The following DGKI variants were observed in gnomAD, a reference collection of about 807,000 sequenced individuals.
DGKI encodes DAG kinase iota.
DGKI carries 55 observed loss-of-function variants against 147.5 expected under a neutral mutation model. That is an observed-to-expected ratio of 0.37 (90% CI 0.30 to 0.47). DGKI has a LOEUF of 0.47. Ranked by LOEUF, DGKI falls within the 20% of genes least tolerant of loss-of-function variation. DGKI has a pLI of 1.00. For synonymous variants in DGKI, 469 were observed against 477.1 expected (o/e 0.98, Z 0.22); for missense variants, 1,007 against 1,323.8 (o/e 0.76, Z 3.71).
chr7:137,493,933 C>T, intron 21 of DGKI: 1 of 580,332 alleles, frequency 1.7e-6, no homozygotes, highest in Non-Finnish European at 3.1e-6. Flanking sequence ...CTAAAGAATA[C>T]AATAAAATGA....
chr7:137,767,081 C>T (rs551541981), intron 1 of DGKI, among the ~76,000 whole-genome samples: 2 of 152,282 alleles, frequency 1.3e-5, no homozygotes, highest in South Asian at 2.1e-4. Context: ...ATGTCTGTGA[C>T]CTGATGGGGG....
intron 19 of DGKI, among the ~76,000 whole-genome samples, chr7:137,567,889 T>C (rs1818645474): frequency 6.6e-6 from 1 of 152,218 alleles, no homozygotes. Context: ...ATATATGACA[T>C]ATATTGTATA....
chr7:137,612,926 G>A (rs1357774958), intron 8 of DGKI, among the ~76,000 whole-genome samples: 2 of 152,042 alleles, frequency 1.3e-5, no homozygotes, highest in African/African-American at 4.8e-5. Flanking sequence ...GACATTCTGT[G>A]CCTGCTCTTT....
chr7:137,665,290 C>T (rs973956329), intron 3 of DGKI, among the ~76,000 whole-genome samples: 1 of 152,166 alleles, frequency 6.6e-6, no homozygotes, highest in African/African-American at 2.4e-5. Flanking sequence ...TGACTGAGAG[C>T]ACACAGCCCT....
chr7:137,846,330 G>C lies in DGKI; in HGVS notation c.401+132C>G, dbSNP rs1798727569. On this transcript the variant is annotated intron_variant, in intron 1 of 32. Transcript: ENST00000614521. The surrounding 1 kb of genome is among the most constrained non-coding windows in gnomAD (Gnocchi z 4.0). ...GAGAAGACAGACATCCCCGGGAGGA[G>C]AGGGGGAAAGGGGGAAGGAGAGGCG... The C allele has an allele frequency of 3.8e-6, 2 of 532,284 alleles. No homozygotes were observed. The highest frequency in any genetic ancestry group is 6.3e-5 in the Admixed American group (2 of 31,830). The allele number at this position is 532,284 out of a possible 1,614,324, so 33.0% of individuals were successfully genotyped here. A position where few individuals can be genotyped will look rare whatever the true frequency, so the allele number is the denominator to read the frequency against.
At chr7:137,455,982 A>T (rs1814190221) in intron 27 of DGKI, among the ~76,000 whole-genome samples, 3 of 152,148 alleles carry the variant, frequency 2.0e-5, no homozygotes, top group African/African-American at 4.8e-5. Flanking sequence ...TTATTCACCT[A>T]AGACAGACAC....
At chr7:137,498,920 C>T (rs1215448381) in intron 21 of DGKI, among the ~76,000 whole-genome samples, 2 of 152,160 alleles carry the variant, frequency 1.3e-5, no homozygotes, top group African/African-American at 2.4e-5. Flanking sequence ...TAGAACTCAA[C>T]TTAACACCTG....
chr7:137,712,960 T>G (rs891009152), intron 1 of DGKI, among the ~76,000 whole-genome samples: 1 of 152,166 alleles, frequency 6.6e-6, no homozygotes, highest in Non-Finnish European at 1.5e-5. Context: ...TCAGCCAGCT[T>G]CAGCTTGGAA....
At chr7:137,477,424 G>T (rs925199909) in intron 23 of DGKI, among the ~76,000 whole-genome samples, 2 of 152,098 alleles carry the variant, frequency 1.3e-5, no homozygotes, top group East Asian at 3.8e-4. Flanking sequence ...GTACCATAAA[G>T]TTTATTGGAA....
At chr7:137,702,831 A>C (rs1025952420) in intron 1 of DGKI, among the ~76,000 whole-genome samples, 1 of 152,330 alleles carries the variant, frequency 6.6e-6, no homozygotes, top group African/African-American at 2.4e-5. Context: ...TCCACTCAGC[A>C]CTTTCACCAG....
At position 137,638,443 on chromosome 7, in the gene DGKI, T is replaced by TAC. The variant is rs1181698990; in HGVS notation, c.804+7027_804+7028dup. Among the ~76,000 whole-genome samples, 21 of 127,598 alleles carry TAC rather than the reference T, an allele frequency of 1.6e-4. 1 individual carries two copies. Among genetic ancestry groups the TAC allele is most frequent in the Non-Finnish European group, 2.3e-4 (14 of 62,180 alleles). 83.7% of individuals were successfully genotyped at this position (127,598 alleles called of 152,430 possible). ...GCAAGAACAACTATATATATATATA[T>TAC]ACACACACACATATATATGTGTGTA... is the stretch of plus-strand genomic sequence containing the variant. On this transcript the variant is annotated intron_variant, in intron 6 of 32. Transcript: ENST00000614521.
intron 27 of DGKI, among the ~76,000 whole-genome samples, chr7:137,450,722 C>G (rs149058503): frequency 2.7e-5 from 4 of 150,826 alleles, no homozygotes; most frequent in Non-Finnish European, 4.4e-5. Flanking sequence ...AACTCTGTCT[C>G]GAAAAAATAA....
chr7:137,546,405 C>A (rs1173583499), intron 20 of DGKI, among the ~76,000 whole-genome samples: 1 of 152,158 alleles, frequency 6.6e-6, no homozygotes, highest in Non-Finnish European at 1.5e-5. Flanking sequence ...CATCACACAG[C>A]CATCAGGTTT....
At chr7:137,721,734 A>G (rs1794563094) in intron 1 of DGKI, among the ~76,000 whole-genome samples, 1 of 152,204 alleles carries the variant, frequency 6.6e-6, no homozygotes, top group Non-Finnish European at 1.5e-5. Context: ...TACCAGGCCT[A>G]TACAATCTGG....
intron 21 of DGKI, among the ~76,000 whole-genome samples, chr7:137,502,993 T>C (rs7800321): frequency 0.079 from 12,000 of 152,144 alleles, 1,227 homozygotes; most frequent in African/African-American, 0.24. Flanking sequence ...TCTCCAGGCC[T>C]GGACAAAGGA....
chr7:137,577,935 A>C (rs1326426885), intron 16 of DGKI, among the ~76,000 whole-genome samples: 4 of 152,060 alleles, frequency 2.6e-5, no homozygotes, highest in Non-Finnish European at 5.9e-5. Flanking sequence ...TTCTTCAGAC[A>C]TCCTCAGTCT....
At chr7:137,511,573 T>C (rs1816581583) in intron 21 of DGKI, among the ~76,000 whole-genome samples, 1 of 152,232 alleles carries the variant, frequency 6.6e-6, no homozygotes, top group Non-Finnish European at 1.5e-5. Flanking sequence ...TGAAGCTGAA[T>C]TTCCAGCACT....
intron 1 of DGKI, among the ~76,000 whole-genome samples, chr7:137,817,057 T>G (rs924172100): frequency 2.6e-5 from 4 of 152,234 alleles, no homozygotes; most frequent in African/African-American, 9.6e-5. Context: ...ATCATTCTCG[T>G]CTCACTTCTT....
At chr7:137,765,104 T>G (rs181355483) in intron 1 of DGKI, among the ~76,000 whole-genome samples, 163 of 152,292 alleles carry the variant, frequency 1.1e-3, no homozygotes, top group African/African-American at 3.8e-3. Flanking sequence ...AGGCGCCAGG[T>G]GCAGTCCAAC....
Sources: gnomAD v4.1 joint callset for allele counts (sites outside exome capture counted in the v4.1 genomes callset) on GRCh38, gnomAD v4.1.1 for gene constraint, Gnocchi (gnomAD v3.1) non-coding constraint, MANE v1.5 for transcripts, NCBI Gene and HGNC (gene_info 2026-07-23, HGNC 2026-07-21) for gene names.